Variants in PACRG observed in about 807,000 individuals in gnomAD.
PACRG encodes parkin coregulated gene protein.
PACRG carries 29 observed loss-of-function variants against 29.7 expected under a neutral mutation model. That is an observed-to-expected ratio of 0.98 (90% CI 0.73 to 1.33). The LOEUF is 1.33. PACRG is among the 40% of genes most tolerant of loss of function. PACRG has a pLI of 0.00. For missense variants in PACRG, 279 were observed against 316.2 expected (o/e 0.88, Z 0.89); for synonymous variants, 116 against 118.7 (o/e 0.98, Z 0.15).
At chr6:163,058,899 CAAA>C (rs1810844967) in intron 2 of PACRG, among the ~76,000 whole-genome samples, 4 of 150,592 alleles carry the variant, frequency 2.7e-5, no homozygotes, top group Admixed American at 6.6e-5. Context: ...GACTCCGTCT[CAAA>C]AAACAAACAA....
intron 3 of PACRG, among the ~76,000 whole-genome samples, chr6:163,085,511 C>T (rs368229262): frequency 4.6e-5 from 7 of 152,300 alleles, no homozygotes; most frequent in Non-Finnish European, 7.4e-5. Context: ...CACTTCCAAA[C>T]GATCCCAAGA....
intron 2 of PACRG, among the ~76,000 whole-genome samples, chr6:162,860,619 C>A (rs144475703): frequency 1.3e-5 from 2 of 152,270 alleles, no homozygotes; most frequent in Admixed American, 1.3e-4. Flanking sequence ...CAGTATAAAG[C>A]ATTTGCTTTA....
intron 1 of PACRG, among the ~76,000 whole-genome samples, chr6:162,739,943 A>G (rs1400011342): frequency 6.6e-6 from 1 of 152,020 alleles, no homozygotes; most frequent in Non-Finnish European, 1.5e-5. Flanking sequence ...TAATGTTCAC[A>G]CATACATTGT....
At chr6:163,056,415 A>G (rs191798744) in intron 2 of PACRG, among the ~76,000 whole-genome samples, 160 of 152,340 alleles carry the variant, frequency 1.1e-3, no homozygotes, top group Non-Finnish European at 1.9e-3. Flanking sequence ...CCATTGTTTC[A>G]TTGTGGGCAG....
chr6:162,845,325 A>C (rs1790266868), intron 2 of PACRG, among the ~76,000 whole-genome samples: 1 of 152,136 alleles, frequency 6.6e-6, no homozygotes, highest in Admixed American at 6.5e-5. Context: ...CCAAACCGTG[A>C]GCAAGAATCC....
chr6:162,845,581 G>A (rs182351332), intron 2 of PACRG, among the ~76,000 whole-genome samples: 2 of 152,160 alleles, frequency 1.3e-5, no homozygotes, highest in Admixed American at 6.5e-5. Flanking sequence ...GCTAAACTTT[G>A]ACTTTTCTTC....
intron 2 of PACRG, among the ~76,000 whole-genome samples, chr6:163,007,604 G>A (rs1023267254): frequency 6.6e-6 from 1 of 152,152 alleles, no homozygotes; most frequent in Non-Finnish European, 1.5e-5. Flanking sequence ...ACTTTCTCCA[G>A]GCAGTGAGCT....
At chr6:162,746,201 A>T (rs1584217335) in intron 1 of PACRG, among the ~76,000 whole-genome samples, 1 of 152,212 alleles carries the variant, frequency 6.6e-6, no homozygotes, top group East Asian at 1.9e-4. Flanking sequence ...CTATGAATAA[A>T]TAGTCCCAGA....
chr6:163,025,074 AG>A (rs1807001091), intron 2 of PACRG, among the ~76,000 whole-genome samples: 1 of 152,244 alleles, frequency 6.6e-6, no homozygotes, highest in Admixed American at 6.5e-5. Context: ...TAGGCATTGA[AG>A]GAACATTGCT....
At chr6:163,011,754 T>C (rs566502031) in intron 2 of PACRG, among the ~76,000 whole-genome samples, 4 of 152,328 alleles carry the variant, frequency 2.6e-5, no homozygotes, top group African/African-American at 9.6e-5. Context: ...ACAAAATATT[T>C]TTTCTTTACA....
At chr6:162,914,476 G>A (rs531947736) in intron 2 of PACRG, among the ~76,000 whole-genome samples, 89 of 145,192 alleles carry the variant, frequency 6.1e-4, no homozygotes, top group African/African-American at 2.0e-3. Context: ...ATCAGGTAGC[G>A]TACATAAGGT....
chr6:162,966,086 C>T (rs1207103575), intron 2 of PACRG, among the ~76,000 whole-genome samples: 1 of 152,192 alleles, frequency 6.6e-6, no homozygotes, highest in Non-Finnish European at 1.5e-5. Context: ...CCTGGCTAAG[C>T]AGGTGTTTAG....
chr6:163,139,381 T>TCCTAATAAGGTACACTTGTA (rs1817064557), intron 4 of PACRG, among the ~76,000 whole-genome samples: 2 of 151,700 alleles, frequency 1.3e-5, no homozygotes, highest in Admixed American at 1.3e-4. Context: ...AAGACCCTTA[T>TCCTAATAAGGTACACTTGTA]CCTAATAAGG....
intron 2 of PACRG, among the ~76,000 whole-genome samples, chr6:162,871,842 T>C (rs949400940): frequency 2.0e-5 from 3 of 151,638 alleles, no homozygotes; most frequent in African/African-American, 4.8e-5. Context: ...GGCGTGAACC[T>C]GGGAGGCGGA....
intron 2 of PACRG, among the ~76,000 whole-genome samples, chr6:162,874,109 C>A (rs1454315674): frequency 7.0e-6 from 1 of 142,346 alleles, no homozygotes; most frequent in Non-Finnish European, 1.5e-5. Context: ...TATTCCAAAC[C>A]AGACAGATCA....
chr6:163,106,803 G>A (rs1387166052), intron 4 of PACRG, among the ~76,000 whole-genome samples: 1 of 152,180 alleles, frequency 6.6e-6, no homozygotes, highest in Non-Finnish European at 1.5e-5. Context: ...ATAATTTGCT[G>A]ACCATTTGTG....
At chr6:162,851,656 C>T (rs1037219577) in intron 2 of PACRG, among the ~76,000 whole-genome samples, 1 of 151,984 alleles carries the variant, frequency 6.6e-6, no homozygotes, top group Non-Finnish European at 1.5e-5. Flanking sequence ...TTATGTTGTT[C>T]TTTTATCCCC....
At chr6:163,205,132 C>A (rs968709266) in intron 4 of PACRG, among the ~76,000 whole-genome samples, 4 of 152,160 alleles carry the variant, frequency 2.6e-5, no homozygotes, top group African/African-American at 9.7e-5. Context: ...GTTAAAATGG[C>A]CATACTGCCC....
chr6:163,113,236 G>A (rs547993586), intron 4 of PACRG, among the ~76,000 whole-genome samples: 2 of 152,136 alleles, frequency 1.3e-5, no homozygotes, highest in Non-Finnish European at 2.9e-5. Context: ...TGAAAAAGTG[G>A]ACAAAGAGTG....
Sources: allele counts gnomAD v4.1 joint callset (sites outside exome capture counted in the v4.1 genomes callset), GRCh38; gene constraint gnomAD v4.1.1; transcripts MANE v1.5; gene names NCBI Gene and HGNC (gene_info 2026-07-23, HGNC 2026-07-21).